MAP2K5: variants seen among roughly 807,000 people sequenced by gnomAD.
MAP2K5 encodes the protein mitogen-activated protein kinase kinase 5.
In MAP2K5, 49 loss-of-function variants were observed where a neutral mutation model predicts 83.1. The ratio of observed to expected loss-of-function variants is 0.59; its 90% CI spans 0.47 to 0.75. The LOEUF is 0.75. MAP2K5 is among the 30% of genes least tolerant of loss of function. MAP2K5 has a pLI of 0.00. For missense variants in MAP2K5, 457 were observed against 557.5 expected, an observed-to-expected ratio of 0.82 and a Z score of 1.82; for synonymous variants, 202 against 191.8, an observed-to-expected ratio of 1.05 and a Z score of -0.44.
chr15:67,766,064 G>C (rs893689596), intron 19 of MAP2K5, among the ~76,000 whole-genome samples: 1 of 152,178 alleles, frequency 6.6e-6, no homozygotes, highest in Non-Finnish European at 1.5e-5. Context: ...AGCAAAAGGG[G>C]CTGACCAGGT....
intron 19 of MAP2K5, among the ~76,000 whole-genome samples, chr15:67,759,520 A>T (rs1258277624): frequency 6.6e-6 from 1 of 151,102 alleles, no homozygotes; most frequent in Non-Finnish European, 1.5e-5. Context: ...AGATCACGCT[A>T]CTGCACTCTA....
In MAP2K5 at chr15:67,806,928, C is replaced by T; in HGVS notation, c.*178C>T. The T allele has an allele frequency of 1.3e-6, 2 of 1,583,488 alleles. No individual in the cohort carries two copies. The highest frequency in any genetic ancestry group is 1.1e-5 in the South Asian group (1 of 87,688). ...TGGGGAGCCCCATGTGTGGCCCACC[C>T]CACCAGGCCATCCCCATACCTTCTG... On this transcript the variant is annotated 3_prime_UTR_variant, in exon 22 of 22. Coordinates refer to ENST00000178640, the MANE Select transcript of MAP2K5 (RefSeq NM_145160.3).
At chr15:67,611,920 A>G (rs1411865066) in intron 8 of MAP2K5, among the ~76,000 whole-genome samples, 1 of 152,152 alleles carries the variant, frequency 6.6e-6, no homozygotes, top group East Asian at 1.9e-4. Flanking sequence ...TAGATGACCA[A>G]TATGAACAAA....
In MAP2K5 at chr15:67,806,875, T is replaced by G. The variant is rs1174637295; in HGVS notation, c.*125T>G. ...GGGCCCTGGCTTCCCTGCCCTCGCC[T>G]TCACCTCTGTCAGCAGGTGGCCTTG... is the stretch of plus-strand genomic sequence containing the variant. On this transcript the variant is annotated 3_prime_UTR_variant, in exon 22 of 22. Coordinates refer to ENST00000178640, the MANE Select transcript of MAP2K5 (RefSeq NM_145160.3). 6.3e-7 allele frequency: 1 copy of G among 1,594,540 alleles called. No homozygotes were observed. Among genetic ancestry groups the G allele is most frequent in the Non-Finnish European group, 8.5e-7 (1 of 1,178,124 alleles).
chr15:67,766,160 C>T (rs1421893232), intron 19 of MAP2K5, among the ~76,000 whole-genome samples: 1 of 152,228 alleles, frequency 6.6e-6, no homozygotes, highest in Non-Finnish European at 1.5e-5. Context: ...GCTGTTTTTA[C>T]ATAACAGTTG....
intron 13 of MAP2K5, among the ~76,000 whole-genome samples, chr15:67,678,571 A>G (rs1419993537): frequency 6.6e-6 from 1 of 152,252 alleles, no homozygotes; most frequent in Non-Finnish European, 1.5e-5. Context: ...CCTGATGTGA[A>G]TAGGTCACAA....
chr15:67,556,012 C>G (rs551005430), intron 2 of MAP2K5, among the ~76,000 whole-genome samples: 1 of 152,282 alleles, frequency 6.6e-6, no homozygotes, highest in African/African-American at 2.4e-5. Context: ...TCTCAAACTC[C>G]TGACCTCAGG....
rs757017850 is a variant in MAP2K5, at chr15:67,806,645, GGGCCACCC to G, written c.1244_1251del (p.Gly415ValfsTer7). On this transcript the variant is annotated frameshift_variant and splice_region_variant, in exon 22 of 22. Coordinates refer to ENST00000178640, the MANE Select transcript of MAP2K5 (RefSeq NM_145160.3). LOFTEE classifies it high-confidence loss of function. ...TCACAGCCTCCTCCTCTTCCCCGCA[GGGCCACCC>G]GTTCATCGTGCAGTTCAATGATGGA... is the stretch of plus-strand genomic sequence containing the variant. 6.5e-6 allele frequency: 10 copies of G among 1,550,076 alleles called. No individual in the cohort carries two copies. Among genetic ancestry groups the G allele is most frequent in the African/African-American group, 1.4e-5 (1 of 73,066 alleles).
intron 2 of MAP2K5, among the ~76,000 whole-genome samples, chr15:67,557,060 T>TA (rs747401345): frequency 1.4e-4 from 21 of 152,190 alleles, no homozygotes; most frequent in Non-Finnish European, 2.5e-4. Flanking sequence ...GGGTCCTACA[T>TA]ATGCTGTAAG....
At chr15:67,745,662 C>T (rs192686164) in intron 17 of MAP2K5, among the ~76,000 whole-genome samples, 1 of 152,106 alleles carries the variant, frequency 6.6e-6, no homozygotes, top group Non-Finnish European at 1.5e-5. Context: ...CATAATACAG[C>T]CTTTATGGCA....
intron 17 of MAP2K5, among the ~76,000 whole-genome samples, chr15:67,741,172 A>G (rs1190486072): frequency 6.6e-5 from 10 of 152,192 alleles, no homozygotes; most frequent in Admixed American, 6.5e-4. Context: ...TATGAGGAAC[A>G]TACACATATG....
At chr15:67,656,360 T>G (rs1456013656) in intron 11 of MAP2K5, among the ~76,000 whole-genome samples, 1 of 150,458 alleles carries the variant, frequency 6.6e-6, no homozygotes, top group Admixed American at 6.7e-5. Context: ...GGTCTTACTC[T>G]GTCACCCAGG....
chr15:67,799,674 CCTGCCTGGAGG>C (rs2090666876), intron 21 of MAP2K5, among the ~76,000 whole-genome samples: 2 of 152,370 alleles, frequency 1.3e-5, no homozygotes, highest in Admixed American at 6.5e-5. Context: ...AGGCTTAGAG[CCTGCCTGGAGG>C]CTCAGCATGA....
At chr15:67,772,901 T>C in intron 21 of MAP2K5, 149 bp downstream of exon 21, 1 of 549,592 alleles carries the variant, frequency 1.8e-6, no homozygotes. Flanking sequence ...TTTTTGAAGC[T>C]CATATCCTCA....
In MAP2K5 at chr15:67,668,804, T is replaced by C. The variant is rs1245012952; in HGVS notation, c.847+4159T>C. Among the ~76,000 whole-genome samples the C allele has an allele frequency of 6.6e-6, 1 of 151,856 alleles. No individual in the cohort carries two copies. Among genetic ancestry groups the C allele is most frequent in the East Asian group, 1.9e-4 (1 of 5,202 alleles). On this transcript the variant is annotated intron_variant, in intron 13 of 21. Transcript: ENST00000178640. The surrounding 1 kb of genome is among the most constrained non-coding windows in gnomAD (Gnocchi z 4.0). ...TCATTCTGGGGCCATCTTACACAGA[T>C]GCAGAAGTTTATAGAAGAAAAAAAA...
At chr15:67,650,836 G>T (rs1419251687) in intron 11 of MAP2K5, among the ~76,000 whole-genome samples, 5 of 152,054 alleles carry the variant, frequency 3.3e-5, no homozygotes, top group Non-Finnish European at 5.9e-5. Context: ...GATAATTCTG[G>T]CCTTATAGAA....
At chr15:67,742,097 T>C (rs959130637) in intron 17 of MAP2K5, among the ~76,000 whole-genome samples, 2 of 152,096 alleles carry the variant, frequency 1.3e-5, no homozygotes, top group South Asian at 2.1e-4. Context: ...GGTTTTACCA[T>C]GTTAGCCAGG....
At position 67,543,186 on chromosome 15, in the gene MAP2K5, C is replaced by T; in HGVS notation, c.-150C>T. 1.3e-6 allele frequency: 1 copy of T among 771,432 alleles called. No individual in the cohort carries two copies. The highest frequency in any genetic ancestry group is 1.7e-5 in the South Asian group (1 of 59,668). The allele number at this position is 771,432 out of a possible 1,614,324, so 47.8% of individuals were successfully genotyped here. A position where few individuals can be genotyped will look rare whatever the true frequency, so the allele number is the denominator to read the frequency against. Reference sequence around the variant, plus strand: ...CCTGCGGGTGCGTTCCTGATCACCCCTCCCCTCTTCCCTCCCCCTCATCCT... The same window carrying T: ...CCTGCGGGTGCGTTCCTGATCACCCTTCCCCTCTTCCCTCCCCCTCATCCT... On this transcript the variant is annotated 5_prime_UTR_variant, in exon 1 of 22. Transcript: ENST00000178640. This position sits in a 1 kb window ranked among gnomAD's most constrained non-coding sequence, Gnocchi z 4.3.
intron 21 of MAP2K5, among the ~76,000 whole-genome samples, 190 bp from the exon 22 acceptor site, chr15:67,806,456 A>G (rs1201209488): frequency 6.6e-6 from 1 of 152,170 alleles, no homozygotes; most frequent in Non-Finnish European, 1.5e-5. Context: ...GGTGCTGACT[A>G]CCAGTATGTC....
Sources: allele counts gnomAD v4.1 joint callset (sites outside exome capture counted in the v4.1 genomes callset), GRCh38; gene constraint gnomAD v4.1.1; non-coding constraint Gnocchi (gnomAD v3.1); transcripts MANE v1.5; gene names NCBI Gene and HGNC (gene_info 2026-07-23, HGNC 2026-07-21).